Variants in CAMK1D observed in about 807,000 individuals in gnomAD.
CAMK1D encodes the protein calcium/calmodulin-dependent protein kinase type 1D.
In CAMK1D, 9 loss-of-function variants were observed where a neutral mutation model predicts 47.7. That is an observed-to-expected ratio of 0.19 (90% CI 0.11 to 0.33). The LOEUF is 0.33. CAMK1D is among the 10% of genes least tolerant of loss of function. The probability of loss-of-function intolerance (pLI) is 1.00; values close to 1 mark genes in which losing one functional copy is unlikely to be tolerated. For synonymous variants in CAMK1D, 184 were observed against 184.9 expected, an observed-to-expected ratio of 0.99 and a Z score of 0.04; for missense variants, 291 against 488.7, an observed-to-expected ratio of 0.60 and a Z score of 3.81.
intron 1 of CAMK1D, among the ~76,000 whole-genome samples, chr10:12,529,151 C>G (rs939054809): frequency 7.2e-5 from 11 of 152,002 alleles, no homozygotes; most frequent in Admixed American, 5.2e-4. Flanking sequence ...CATCTTCACC[C>G]TCATCGTCAT....
intron 2 of CAMK1D, among the ~76,000 whole-genome samples, chr10:12,641,117 G>A (rs572126021): frequency 6.6e-6 from 1 of 152,070 alleles, no homozygotes; most frequent in African/African-American, 2.4e-5. Context: ...TTACAGGAAT[G>A]TGCCACATGC....
intron 2 of CAMK1D, among the ~76,000 whole-genome samples, chr10:12,574,283 A>G (rs1837420846): frequency 1.3e-5 from 2 of 150,148 alleles, no homozygotes; most frequent in Admixed American, 6.6e-5. Flanking sequence ...CTCCTTCCCT[A>G]GGGGATCTTT....
chr10:12,564,924 G>A (rs1837074868), intron 2 of CAMK1D, among the ~76,000 whole-genome samples: 1 of 152,182 alleles, frequency 6.6e-6, no homozygotes, highest in Non-Finnish European at 1.5e-5. Flanking sequence ...AATATGTCTT[G>A]GAGGCCAATC....
intron 1 of CAMK1D, among the ~76,000 whole-genome samples, chr10:12,548,447 C>CTTTTTTTTTTTTTT (rs35061502): frequency 7.4e-5 from 6 of 81,186 alleles, no homozygotes; most frequent in Non-Finnish European, 9.1e-5. Context: ...CCATTTTAAG[C>CTTTTTTTTTTTTTT]TTTTTTTTTT....
chr10:12,458,182 C>T (rs951556967), intron 1 of CAMK1D, among the ~76,000 whole-genome samples: 1 of 152,206 alleles, frequency 6.6e-6, no homozygotes, highest in Non-Finnish European at 1.5e-5. Flanking sequence ...GCACTGTCTG[C>T]TGTTGCACAT....
intron 1 of CAMK1D, among the ~76,000 whole-genome samples, chr10:12,474,925 A>G (rs2724813): frequency 0.83 from 125,317 of 151,702 alleles, 51,980 homozygotes; most frequent in East Asian, 0.97. Flanking sequence ...TGCAAAGGAC[A>G]TGATCTTGTT....
rs559931813 is a variant in CAMK1D at position 12,779,338 on chromosome 10, C to G, written c.565+9539C>G. ...TTAAAATATCTGAATCACTGAACAT[C>G]AGTAGGAAGTGACAGAAAACATCCG... On this transcript the variant is annotated intron_variant, in intron 5 of 10. Coordinates refer to ENST00000619168, the MANE Select transcript of CAMK1D (RefSeq NM_153498.4). Among the ~76,000 whole-genome samples the G allele has an allele frequency of 5.3e-5, 8 of 152,280 alleles. No individual in the cohort carries two copies. The South Asian group carries it at 1.7e-3, about 32-fold the overall frequency.
chr10:12,607,115 G>T (rs1055853330), intron 2 of CAMK1D, among the ~76,000 whole-genome samples: 2 of 152,182 alleles, frequency 1.3e-5, no homozygotes, highest in Admixed American at 6.5e-5. Context: ...ATGAGCCACC[G>T]CGCCTGGCCC....
At chr10:12,732,508 C>T (rs933621305) in intron 3 of CAMK1D, among the ~76,000 whole-genome samples, 2 of 152,020 alleles carry the variant, frequency 1.3e-5, no homozygotes, top group African/African-American at 2.4e-5. Flanking sequence ...GCCTCAGAAT[C>T]GTGGCGGGAG....
At chr10:12,734,971 C>G (rs1164294287) in intron 3 of CAMK1D, among the ~76,000 whole-genome samples, 3 of 152,182 alleles carry the variant, frequency 2.0e-5, no homozygotes, top group Non-Finnish European at 4.4e-5. Context: ...TAAATACTTA[C>G]TTGTTTCACA....
At chr10:12,622,320 C>T (rs1241028402) in intron 2 of CAMK1D, among the ~76,000 whole-genome samples, 1 of 152,090 alleles carries the variant, frequency 6.6e-6, no homozygotes, top group African/African-American at 2.4e-5. Flanking sequence ...GGTCACTGGG[C>T]TAGAGAGAAA....
chr10:12,516,528 T>C (rs1564384729), intron 1 of CAMK1D, among the ~76,000 whole-genome samples: 1 of 152,250 alleles, frequency 6.6e-6, no homozygotes. Context: ...CTGGGTCATA[T>C]GTAAGTATTT....
chr10:12,374,354 A>G (rs1244826808), intron 1 of CAMK1D, among the ~76,000 whole-genome samples: 4 of 151,934 alleles, frequency 2.6e-5, no homozygotes, highest in Non-Finnish European at 5.9e-5. Context: ...AGTAATGGTT[A>G]GGAGAGCTGG....
intron 1 of CAMK1D, among the ~76,000 whole-genome samples, chr10:12,357,839 G>A (rs991559999): frequency 3.3e-5 from 5 of 152,048 alleles, no homozygotes; most frequent in Admixed American, 1.3e-4. Context: ...CTTTTTCTCC[G>A]GGGTAGTTTT....
intron 6 of CAMK1D, among the ~76,000 whole-genome samples, chr10:12,806,216 T>G (rs976817477): frequency 6.6e-6 from 1 of 152,196 alleles, no homozygotes; most frequent in African/African-American, 2.4e-5. Flanking sequence ...TTCCTGTTTA[T>G]TTTGAAGGTT....
chr10:12,464,274 C>T (rs940103942), intron 1 of CAMK1D, among the ~76,000 whole-genome samples: 1 of 152,154 alleles, frequency 6.6e-6, no homozygotes. Context: ...GCAGGTGGGT[C>T]TTCCATCAGT....
At chr10:12,827,328 C>T (rs56257402) in intron 10 of CAMK1D, among the ~76,000 whole-genome samples, 18 of 12,726 alleles carry the variant, frequency 1.4e-3, no homozygotes, top group African/African-American at 2.5e-3. Flanking sequence ...TTCTTTCTCT[C>T]TCTTCTCTTC....
chr10:12,709,002 G>T lies in CAMK1D; in HGVS notation c.299+42192G>T, dbSNP rs116163920. 5.5e-3 allele frequency among the ~76,000 whole-genome samples: 842 copies of T among 152,336 alleles called. 8 individuals carry two copies. The highest frequency in any genetic ancestry group is 0.018 in the African/African-American group (763 of 41,574). ...CTCAGCCAAGGGAGCAGGCACCCAT[G>T]CCCTGGGGCCTGAACTGTGGCATGG... On this transcript the variant is annotated intron_variant, in intron 3 of 10. Transcript: ENST00000619168.
intron 1 of CAMK1D, among the ~76,000 whole-genome samples, chr10:12,358,699 T>G (rs1189040317): frequency 6.6e-6 from 1 of 152,120 alleles, no homozygotes; most frequent in Non-Finnish European, 1.5e-5. Context: ...TGCCTCTGGA[T>G]AGATTCCTTA....
Sources: gnomAD v4.1 joint callset for allele counts (sites outside exome capture counted in the v4.1 genomes callset) on GRCh38, gnomAD v4.1.1 for gene constraint, MANE v1.5 for transcripts, NCBI Gene and HGNC (gene_info 2026-07-23, HGNC 2026-07-21) for gene names.